The following APBB2 variants were observed in gnomAD, a reference collection of about 807,000 sequenced individuals.
APBB2 encodes amyloid beta precursor protein binding family B member 2.
Under a neutral mutation model 82.5 loss-of-function variants are expected in APBB2, and 38 were observed. The observed-to-expected ratio is 0.46, with a 90% CI of 0.36 to 0.60. APBB2 has a LOEUF of 0.60. Among genes scored for constraint, APBB2 ranks in the 20% least tolerant of loss-of-function variants. The pLI, the probability that APBB2 is intolerant of heterozygous loss-of-function variation, is 0.00. For missense variants in APBB2, 772 were observed against 972.3 expected, an observed-to-expected ratio of 0.79 and a Z score of 2.74; for synonymous variants, 341 against 368.2, an observed-to-expected ratio of 0.93 and a Z score of 0.85.
intron 4 of APBB2, among the ~76,000 whole-genome samples, chr4:41,035,433 G>C (rs1276852661): frequency 6.6e-6 from 1 of 152,174 alleles, no homozygotes; most frequent in African/African-American, 2.4e-5. Context: ...TGCCTCCTCT[G>C]TGCTCCTCTG....
chr4:40,950,535 G>C (rs1004584990), intron 6 of APBB2, among the ~76,000 whole-genome samples: 4 of 152,156 alleles, frequency 2.6e-5, no homozygotes, highest in African/African-American at 9.7e-5. Context: ...AACACAGGGA[G>C]ATGCATGTCT....
At chr4:41,039,126 G>A (rs991756396) in intron 4 of APBB2, among the ~76,000 whole-genome samples, 1 of 152,216 alleles carries the variant, frequency 6.6e-6, no homozygotes, top group African/African-American at 2.4e-5. Context: ...AGAATTTCCA[G>A]GGTCAGATAA....
At chr4:40,956,041 T>C (rs1236747657) in intron 6 of APBB2, among the ~76,000 whole-genome samples, 1 of 152,210 alleles carries the variant, frequency 6.6e-6, no homozygotes, top group Non-Finnish European at 1.5e-5. Context: ...CCCAAAGTGC[T>C]GGGATTACAG....
At chr4:40,973,575 A>G (rs1796453099) in intron 6 of APBB2, among the ~76,000 whole-genome samples, 1 of 152,206 alleles carries the variant, frequency 6.6e-6, no homozygotes, top group East Asian at 1.9e-4. Context: ...CTGCTGTACC[A>G]AAGTATCACA....
rs112460174 is a variant in APBB2 at position 40,884,720 on chromosome 4, C to T, written c.1529+5644G>A. Among the ~76,000 whole-genome samples the T allele has an allele frequency of 4.7e-3, 710 of 152,098 alleles. 2 individuals carry two copies. Among genetic ancestry groups the T allele is most frequent in the Non-Finnish European group, 7.8e-3 (532 of 67,990 alleles). On this transcript the variant is annotated intron_variant, in intron 12 of 17. Coordinates refer to ENST00000508593, the MANE Select transcript of APBB2 (RefSeq NM_004307.2). ...TGGAGGCTGCAGTGAGTGATGATCA[C>T]GCCACTGTACTCCAGCCTGGGCAAC...
At chr4:40,841,783 G>T (rs1449189058) in intron 12 of APBB2, among the ~76,000 whole-genome samples, 1 of 152,094 alleles carries the variant, frequency 6.6e-6, no homozygotes, top group East Asian at 1.9e-4. Context: ...GGTTCAAGTG[G>T]TTCTCCTGCC....
At chr4:40,834,231 A>G (rs1753068408) in intron 12 of APBB2, among the ~76,000 whole-genome samples, 1 of 152,136 alleles carries the variant, frequency 6.6e-6, no homozygotes, top group Non-Finnish European at 1.5e-5. Context: ...AACCCTCCAG[A>G]GGTTTCATCA....
intron 12 of APBB2, among the ~76,000 whole-genome samples, chr4:40,844,546 G>A (rs1253801969): frequency 6.6e-6 from 1 of 152,196 alleles, no homozygotes; most frequent in Non-Finnish European, 1.5e-5. Flanking sequence ...GGAGTGGCAG[G>A]GGCCCTCTGC....
In APBB2 at chr4:41,080,655, T is replaced by C. The variant is rs548322017; in HGVS notation, c.-148-14982A>G. Among the ~76,000 whole-genome samples the C allele has an allele frequency of 9.2e-5, 14 of 151,980 alleles. No individual in the cohort carries two copies. In the East Asian group the frequency reaches 2.5e-3, roughly 27 times the overall value. The stretch of plus-strand genomic sequence containing the variant: ...CACAAAAGTCAGGCTACACATCACC[T>C]TGGGGGACAATTATTTAATTTCAGT... On this transcript the variant is annotated intron_variant, in intron 3 of 17. Coordinates refer to ENST00000508593, the MANE Select transcript of APBB2 (RefSeq NM_004307.2).
At chr4:41,108,139 G>T (rs545635134) in intron 2 of APBB2, among the ~76,000 whole-genome samples, 1 of 152,062 alleles carries the variant, frequency 6.6e-6, no homozygotes, top group African/African-American at 2.4e-5. Flanking sequence ...TGCGTGTAAA[G>T]AGACACAGAC....
In APBB2 at chr4:41,201,026, A is replaced by C. The variant is rs548793679; in HGVS notation, c.-417+13379T>G. On this transcript the variant is annotated intron_variant, in intron 1 of 17. Transcript: ENST00000508593. ...TTCCCCATCTGTATTAGGAGATTAT[A>C]ACAGTATCTACCTCTTAGAAGTACA... Among the ~76,000 whole-genome samples the C allele has an allele frequency of 3.9e-5, 6 of 152,318 alleles. No individual in the cohort carries two copies. The South Asian group carries it at 1.2e-3, about 32-fold the overall frequency.
intron 12 of APBB2, among the ~76,000 whole-genome samples, chr4:40,851,338 C>T (rs187339028): frequency 1.6e-4 from 25 of 152,224 alleles, no homozygotes; most frequent in Admixed American, 2.6e-4. Flanking sequence ...ACATGTGAAG[C>T]GGCAGCCATG....
rs192440091 is a variant in APBB2 at position 41,015,540 on chromosome 4, G to A, written c.20-1142C>T. The stretch of plus-strand genomic sequence containing the variant: ...AGAAGGGCAATAATTTCCTTGTTTG[G>A]GAGCTTAGAGGTATCTCTCCATCAC... On this transcript the variant is annotated intron_variant, in intron 5 of 17. Transcript: ENST00000508593. 2.0e-3 allele frequency among the ~76,000 whole-genome samples: 306 copies of A among 152,222 alleles called. 5 individuals are homozygous for A. Among genetic ancestry groups the A allele is most frequent in the Non-Finnish European group, 4.0e-4 (27 of 68,026 alleles).
At chr4:40,819,148 C>T (rs987509905) in intron 17 of APBB2, among the ~76,000 whole-genome samples, 2 of 150,372 alleles carry the variant, frequency 1.3e-5, no homozygotes, top group African/African-American at 4.9e-5. Flanking sequence ...CTAACTAATT[C>T]GTAGGCTAAG....
intron 2 of APBB2, among the ~76,000 whole-genome samples, chr4:41,106,007 A>T (rs1225001240): frequency 1.3e-5 from 2 of 152,234 alleles, no homozygotes; most frequent in Non-Finnish European, 2.9e-5. Context: ...ACATGCTGAG[A>T]TATACATTCA....
At position 41,139,546 on chromosome 4, in the gene APBB2, A is replaced by G. The variant is rs1305187245; in HGVS notation, c.-261+3441T>C. Among the ~76,000 whole-genome samples the G allele has an allele frequency of 2.0e-5, 3 of 152,246 alleles. No individual in the cohort carries two copies. The East Asian group carries it at 5.8e-4, about 29-fold the overall frequency. On this transcript the variant is annotated intron_variant, in intron 2 of 17. Coordinates refer to ENST00000508593, the MANE Select transcript of APBB2 (RefSeq NM_004307.2). Reference sequence around the variant, plus strand: ...GATGTCCTTCAATAGGTGAATGGATAAAGTGTGGAACAACGATATAATGGA... The same window carrying G: ...GATGTCCTTCAATAGGTGAATGGATGAAGTGTGGAACAACGATATAATGGA...
chr4:41,136,167 GA>G (rs1211771285), intron 2 of APBB2, among the ~76,000 whole-genome samples: 3 of 152,136 alleles, frequency 2.0e-5, no homozygotes, highest in Admixed American at 1.3e-4. Context: ...CAAAGTAAAC[GA>G]TGGTTAAGAG....
At chr4:41,075,452 G>T (rs953704430) in intron 3 of APBB2, among the ~76,000 whole-genome samples, 2 of 152,164 alleles carry the variant, frequency 1.3e-5, no homozygotes, top group African/African-American at 4.8e-5. Flanking sequence ...TCTGCATTTT[G>T]TAAGAGATAC....
At chr4:41,209,988 T>C (rs1443274219) in intron 1 of APBB2, among the ~76,000 whole-genome samples, 2 of 152,022 alleles carry the variant, frequency 1.3e-5, no homozygotes, top group African/African-American at 4.8e-5. Context: ...CCAACTCAGA[T>C]CAACAAGCAG....
Sources: gnomAD v4.1 joint callset for allele counts (sites outside exome capture counted in the v4.1 genomes callset) on GRCh38, gnomAD v4.1.1 for gene constraint, MANE v1.5 for transcripts, NCBI Gene and HGNC (gene_info 2026-07-23, HGNC 2026-07-21) for gene names.